The following KIAA1328 variants were observed in gnomAD, a reference collection of about 807,000 sequenced individuals.
KIAA1328 encodes KIAA1328.
Under a neutral mutation model 68.1 loss-of-function variants are expected in KIAA1328, and 52 were observed. The ratio of observed to expected loss-of-function variants is 0.76; its 90% CI spans 0.61 to 0.96. KIAA1328 has a LOEUF of 0.96. KIAA1328 is among the 40% of genes least tolerant of loss of function. The pLI is 0.00. For synonymous variants in KIAA1328, 232 were observed against 239.4 expected, an observed-to-expected ratio of 0.97 and a Z score of 0.28; for missense variants, 641 against 677.6, an observed-to-expected ratio of 0.95 and a Z score of 0.60.
In KIAA1328 at chr18:37,222,528, T is replaced by A; in HGVS notation, c.*301T>A. ...GGTGGAAACCATTGCATATTCAGCC[T>A]CATTTCAAGAGTGTTTCCTTCTCAA... On this transcript the variant is annotated 3_prime_UTR_variant, in exon 10 of 10. Coordinates refer to ENST00000280020, the MANE Select transcript of KIAA1328 (RefSeq NM_020776.3). The A allele has an allele frequency of 8.6e-7, 1 of 1,164,854 alleles. No homozygotes were observed. Among genetic ancestry groups the A allele is most frequent in the African/African-American group, 1.6e-5 (1 of 62,910 alleles). The allele number at this position is 1,164,854 out of a possible 1,614,324, so 72.2% of individuals were successfully genotyped here.
At chr18:37,062,718 G>A (rs1010286814) in intron 6 of KIAA1328, among the ~76,000 whole-genome samples, 2 of 152,168 alleles carry the variant, frequency 1.3e-5, no homozygotes, top group Non-Finnish European at 2.9e-5. Context: ...GCCTCCCAAA[G>A]TGCTGGGATT....
At chr18:37,071,950 T>C (rs1403844815) in intron 7 of KIAA1328, among the ~76,000 whole-genome samples, 3 of 152,046 alleles carry the variant, frequency 2.0e-5, no homozygotes, top group Non-Finnish European at 2.9e-5. Context: ...AGAAATAGAC[T>C]AAACCAAAAA....
At chr18:37,229,700 CCAT>C (rs370942626), downstream of KIAA1328, 153 of 385,916 alleles carry the variant, frequency 4.0e-4, 1 homozygote, top group East Asian at 0.01. Context: ...CGGTGAAACC[CCAT>C]CTCTGTATTT....
Position 36,941,574 on chromosome 18 carries a change from G to A in KIAA1328, c.449-17734G>A, listed in dbSNP as rs2050713958. Among the ~76,000 whole-genome samples the A allele has an allele frequency of 3.3e-5, 5 of 152,082 alleles. No homozygotes were observed. In the South Asian group the frequency reaches 8.3e-4, roughly 25 times the overall value. ...TGCGCCACTGCACTCTAGCCTGGGC[G>A]ACAGACAGAGCAAGACTCCATCTCA... is the stretch of plus-strand genomic sequence containing the variant. On this transcript the variant is annotated intron_variant, in intron 5 of 9. Coordinates refer to ENST00000280020, the MANE Select transcript of KIAA1328 (RefSeq NM_020776.3).
At chr18:36,952,184 G>T (rs561887158) in intron 5 of KIAA1328, among the ~76,000 whole-genome samples, 9 of 152,060 alleles carry the variant, frequency 5.9e-5, no homozygotes, top group Non-Finnish European at 1.3e-4. Context: ...CAGGGGTACT[G>T]CACAGCCTAC....
At chr18:36,867,756 A>G (rs920977970) in intron 4 of KIAA1328, among the ~76,000 whole-genome samples, 2 of 152,224 alleles carry the variant, frequency 1.3e-5, no homozygotes, top group Non-Finnish European at 2.9e-5. Flanking sequence ...AAAGTGAATA[A>G]AAGATATAAA....
At chr18:37,144,377 G>T (rs1028643573) in intron 7 of KIAA1328, among the ~76,000 whole-genome samples, 3 of 151,480 alleles carry the variant, frequency 2.0e-5, no homozygotes, top group African/African-American at 7.3e-5. Flanking sequence ...GTTTTTATTT[G>T]TCTATTTTAT....
At chr18:37,120,210 T>A (rs539612698) in intron 7 of KIAA1328, among the ~76,000 whole-genome samples, 12 of 129,968 alleles carry the variant, frequency 9.2e-5, no homozygotes, top group Non-Finnish European at 1.4e-4. Context: ...TTTTACAACA[T>A]ACCAATTAGT....
chr18:37,157,310 C>T (rs2059173466), intron 7 of KIAA1328, among the ~76,000 whole-genome samples: 2 of 152,080 alleles, frequency 1.3e-5, no homozygotes, highest in African/African-American at 4.8e-5. Context: ...GAAATTAAAA[C>T]ATTCAGAGTT....
At position 37,093,149 on chromosome 18, in the gene KIAA1328, C is replaced by A. The variant is rs947065004; in HGVS notation, c.1232+25604C>A. 3.9e-5 allele frequency among the ~76,000 whole-genome samples: 6 copies of A among 152,252 alleles called. No homozygotes were observed. The South Asian group carries it at 6.2e-4, about 16-fold the overall frequency. On this transcript the variant is annotated intron_variant, in intron 7 of 9. Transcript: ENST00000280020. Reference sequence around the variant, plus strand: ...CTATAAATATATTTATAGAAAAAACCCTTTTCTTATAAAAGTGAACCCATA... The same window carrying A: ...CTATAAATATATTTATAGAAAAAACACTTTTCTTATAAAAGTGAACCCATA...
At chr18:37,156,745 C>A (rs2059161006) in intron 7 of KIAA1328, among the ~76,000 whole-genome samples, 1 of 152,114 alleles carries the variant, frequency 6.6e-6, no homozygotes, top group Non-Finnish European at 1.5e-5. Context: ...GAAGTAGTTT[C>A]AAGATAAAGA....
intron 7 of KIAA1328, among the ~76,000 whole-genome samples, chr18:37,117,373 T>A (rs976498211): frequency 6.6e-6 from 1 of 152,210 alleles, no homozygotes; most frequent in Non-Finnish European, 1.5e-5. Context: ...ACCATCATTC[T>A]GAGCAAACTA....
chr18:37,076,948 A>G (rs1319589524), intron 7 of KIAA1328, among the ~76,000 whole-genome samples: 2 of 152,168 alleles, frequency 1.3e-5, no homozygotes, highest in African/African-American at 4.8e-5. Context: ...TATTCCAATC[A>G]ATAGAAAAAG....
intron 5 of KIAA1328, among the ~76,000 whole-genome samples, chr18:36,947,913 G>C (rs2050967441): frequency 6.6e-6 from 1 of 152,114 alleles, no homozygotes. Flanking sequence ...TTGCTGCAGA[G>C]AGACTGCTTT....
At chr18:36,889,074 G>A (rs936669259) in intron 5 of KIAA1328, among the ~76,000 whole-genome samples, 1 of 152,160 alleles carries the variant, frequency 6.6e-6, no homozygotes, top group Non-Finnish European at 1.5e-5. Context: ...GTTTGCATCA[G>A]GATCAGCCTG....
At chr18:36,859,688 T>C (rs2047497554) in intron 4 of KIAA1328, among the ~76,000 whole-genome samples, 1 of 151,760 alleles carries the variant, frequency 6.6e-6, no homozygotes, top group Non-Finnish European at 1.5e-5. Flanking sequence ...GGGCTCAAGC[T>C]CTCCTCCTGC....
At chr18:36,892,036 A>G (rs2048706540) in intron 5 of KIAA1328, among the ~76,000 whole-genome samples, 2 of 152,232 alleles carry the variant, frequency 1.3e-5, no homozygotes, top group South Asian at 4.1e-4. Context: ...TGCAAATAAC[A>G]GTAATACGCT....
At chr18:36,960,044 C>T (rs1482717098) in intron 6 of KIAA1328, among the ~76,000 whole-genome samples, 3 of 152,160 alleles carry the variant, frequency 2.0e-5, no homozygotes, top group South Asian at 4.1e-4. Flanking sequence ...GGGGGATTTC[C>T]GTTTCCTAGC....
downstream of KIAA1328, among the ~76,000 whole-genome samples, chr18:37,228,608 C>T (rs973044488): frequency 3.9e-5 from 6 of 152,130 alleles, no homozygotes; most frequent in African/African-American, 9.7e-5. Context: ...CACCTGAGGT[C>T]AGGAGTTCAA....
Sources: allele counts gnomAD v4.1 joint callset (sites outside exome capture counted in the v4.1 genomes callset), GRCh38; gene constraint gnomAD v4.1.1; transcripts MANE v1.5; gene names NCBI Gene and HGNC (gene_info 2026-07-23, HGNC 2026-07-21).